GRIK3: variants seen among roughly 807,000 people sequenced by gnomAD.
GRIK3 encodes the protein glutamate ionotropic receptor kainate type subunit 3, also known as glutamate receptor ionotropic, kainate 3.
A neutral mutation model predicts 102.5 loss-of-function variants in GRIK3; 29 were observed. The ratio of observed to expected loss-of-function variants is 0.28; its 90% CI spans 0.21 to 0.39. The LOEUF is 0.39. GRIK3 is among the 10% of genes least tolerant of loss of function. The pLI is 1.00. For missense variants in GRIK3, 908 were observed against 1,252.4 expected (o/e 0.73, Z 4.15); for synonymous variants, 511 against 504.9 (o/e 1.01, Z -0.16).
At chr1:37,002,082 A>G (rs773598918) in intron 1 of GRIK3, among the ~76,000 whole-genome samples, 3 of 152,238 alleles carry the variant, frequency 2.0e-5, no homozygotes, top group Non-Finnish European at 4.4e-5. Flanking sequence ...ACCCAGCCTC[A>G]GGACTGCAAA....
chr1:36,989,775 A>G (rs1487550048), intron 1 of GRIK3, among the ~76,000 whole-genome samples: 1 of 152,054 alleles, frequency 6.6e-6, no homozygotes, highest in African/African-American at 2.4e-5. Flanking sequence ...GCTTGTCCCA[A>G]CCACAATCTC....
intron 2 of GRIK3, among the ~76,000 whole-genome samples, chr1:36,886,031 G>A (rs1281773849): frequency 6.6e-6 from 1 of 152,126 alleles, no homozygotes; most frequent in African/African-American, 2.4e-5. Flanking sequence ...GGGAGCCCTG[G>A]GTCAATTCCA....
At chr1:36,951,513 C>T (rs1310730887) in intron 1 of GRIK3, among the ~76,000 whole-genome samples, 5 of 152,350 alleles carry the variant, frequency 3.3e-5, no homozygotes, top group East Asian at 1.9e-4. Flanking sequence ...CCCCTCTCCT[C>T]GGCAGCATGG....
At chr1:36,809,552 C>T (rs1642539136) in intron 13 of GRIK3, among the ~76,000 whole-genome samples, 1 of 152,182 alleles carries the variant, frequency 6.6e-6, no homozygotes, top group African/African-American at 2.4e-5. Flanking sequence ...GGAAGCCCCA[C>T]CTACTCCTTC....
chr1:36,953,670 C>T lies in GRIK3; in HGVS notation c.116-62574G>A, dbSNP rs141561318. On this transcript the variant is annotated intron_variant, in intron 1 of 15. Coordinates refer to ENST00000373091, the MANE Select transcript of GRIK3 (RefSeq NM_000831.4). ...AAAGGAAAGGTGACTAGGAAGGAGT[C>T]GGTAGGGACCCCACAGGTTTCCAGC... Among the ~76,000 whole-genome samples the T allele has an allele frequency of 2.6e-4, 39 of 152,022 alleles. 1 individual carries two copies. In the East Asian group the frequency reaches 6.4e-3, roughly 25 times the overall value.
intron 1 of GRIK3, among the ~76,000 whole-genome samples, chr1:36,974,812 A>AAAAC (rs1553124752): frequency 6.6e-6 from 1 of 151,348 alleles, no homozygotes; most frequent in Admixed American, 6.6e-5. Context: ...AAAAAAAAAA[A>AAAAC]CAAAAAAAAA....
chr1:36,842,015 G>C (rs938503936), intron 9 of GRIK3, 76 bp from the exon 10 acceptor site: 2 of 1,160,744 alleles, frequency 1.7e-6, no homozygotes, highest in African/African-American at 1.5e-5. Context: ...GGAGAGTCAG[G>C]GCTAGGACCT....
intron 1 of GRIK3, among the ~76,000 whole-genome samples, chr1:37,028,405 A>G (rs1240813588): frequency 6.6e-6 from 1 of 152,142 alleles, no homozygotes; most frequent in Admixed American, 6.5e-5. Flanking sequence ...TCCAGAAGCC[A>G]GGACAATGTG....
chr1:37,010,818 T>TA (rs1642587763), intron 1 of GRIK3, among the ~76,000 whole-genome samples: 1 of 147,190 alleles, frequency 6.8e-6, no homozygotes, highest in African/African-American at 2.5e-5. Flanking sequence ...CTCGGCTCAC[T>TA]GCAAGCTCCG....
chr1:36,837,121 C>T (rs1383721953), intron 10 of GRIK3, among the ~76,000 whole-genome samples: 1 of 152,044 alleles, frequency 6.6e-6, no homozygotes, highest in South Asian at 2.1e-4. Context: ...AGGGTCCCAC[C>T]CCAGGTCCTC....
In GRIK3 at chr1:36,821,286, AG is replaced by A. The variant is rs1212519637; in HGVS notation, c.1755-1433del. On this transcript the variant is annotated intron_variant, in intron 11 of 15. Transcript: ENST00000373091. The stretch of plus-strand genomic sequence containing the variant: ...AAGGAAATGACCACAAACTGGTTAG[AG>A]GCTCTAAAATCCACAGGGAAGAGAT... 7.2e-5 allele frequency among the ~76,000 whole-genome samples: 11 copies of A among 152,382 alleles called. No individual in the cohort carries two copies. In the South Asian group the frequency reaches 2.3e-3, roughly 32 times the overall value.
intron 7 of GRIK3, 103 bp downstream of exon 7, chr1:36,859,005 C>T: frequency 9.3e-7 from 1 of 1,071,596 alleles, no homozygotes. Context: ...CCTGAGGTCA[C>T]ATGGATGAGA....
Position 37,034,049 on chromosome 1 carries a change from G to A in GRIK3, c.60C>T (p.Leu20=), listed in dbSNP as rs1206729298. The A allele has an allele frequency of 8.1e-6, 13 of 1,606,740 alleles. No individual in the cohort carries two copies. The highest frequency in any genetic ancestry group is 1.3e-5 in the African/African-American group (1 of 74,440). The change falls in exon 1 of 16, where the codon CTC becomes CTT. Residue 20 remains leucine (L), a synonymous_variant. Coordinates refer to ENST00000373091, the MANE Select transcript of GRIK3 (RefSeq NM_000831.4). ...SLVWEYWAGL[L]VCAFWIPDSR... ...AGTCCGGGATCCAGAAGGCGCACACGAGGAGCCCGGCCCAGTATTCCCAAA... is the reference window on the plus strand; with the variant it reads ...AGTCCGGGATCCAGAAGGCGCACACAAGGAGCCCGGCCCAGTATTCCCAAA...
chr1:36,917,915 C>T (rs1405717107), intron 1 of GRIK3, among the ~76,000 whole-genome samples: 1 of 152,166 alleles, frequency 6.6e-6, no homozygotes, highest in Non-Finnish European at 1.5e-5. Flanking sequence ...CATACCCCCA[C>T]CCCCAGTCAC....
intron 1 of GRIK3, among the ~76,000 whole-genome samples, chr1:36,964,228 C>T (rs1410466058): frequency 6.6e-6 from 1 of 152,232 alleles, no homozygotes; most frequent in Admixed American, 6.5e-5. Context: ...GCAACAGAGT[C>T]CTCCTCCAGG....
At chr1:36,931,516 T>C (rs866971476) in intron 1 of GRIK3, among the ~76,000 whole-genome samples, 1 of 152,268 alleles carries the variant, frequency 6.6e-6, no homozygotes, top group South Asian at 2.1e-4. Flanking sequence ...TTGTTGTCTA[T>C]ATCCCCTAAA....
intron 1 of GRIK3, among the ~76,000 whole-genome samples, chr1:36,956,036 C>A (rs1375271536): frequency 6.6e-6 from 1 of 152,262 alleles, no homozygotes; most frequent in Admixed American, 6.5e-5. Flanking sequence ...CACCAACAGC[C>A]AGAGCGGGGC....
Position 36,841,840 on chromosome 1 carries a change from T to C in GRIK3, c.1426A>G (p.Ile476Val), listed in dbSNP as rs1195270389. 3.1e-6 allele frequency: 5 copies of C among 1,614,000 alleles called. No homozygotes were observed. The highest frequency in any genetic ancestry group is 4.2e-6 in the Non-Finnish European group (5 of 1,179,992). ...CGGATCTCATAGGAGAAACCAAGGA[T>C]GTGGGCCAGCTCCTTTAGCAGGTCG... ...CIDLLKELAH[I>V]LGFSYEIRLV... Residue 476 changes from isoleucine to valine, a missense_variant, in exon 10 of 16, where the codon ATC (isoleucine) becomes GTC (valine). By Grantham distance (29) the Ile-to-Val change is conservative. Transcript: ENST00000373091.
At chr1:36,803,315 G>C (rs747195379) in intron 15 of GRIK3, among the ~76,000 whole-genome samples, 1 of 152,208 alleles carries the variant, frequency 6.6e-6, no homozygotes, top group Non-Finnish European at 1.5e-5. Flanking sequence ...GACTGAACAG[G>C]AGTGGAGCAG....
Sources: gnomAD v4.1 joint callset for allele counts (sites outside exome capture counted in the v4.1 genomes callset) on GRCh38, gnomAD v4.1.1 for gene constraint, MANE v1.5 for transcripts, NCBI Gene and HGNC (gene_info 2026-07-23, HGNC 2026-07-21) for gene names.